SCUBE1: variants seen among roughly 807,000 people sequenced by gnomAD.
SCUBE1 encodes signal peptide, CUB and EGF-like domain-containing protein 1.
Under a neutral mutation model 124.4 loss-of-function variants are expected in SCUBE1, and 59 were observed. The observed-to-expected ratio is 0.47, with a 90% CI of 0.38 to 0.59. The LOEUF is 0.59. SCUBE1 is among the 20% of genes least tolerant of loss of function. SCUBE1 has a pLI of 0.00. For synonymous variants in SCUBE1, 545 were observed against 550.9 expected, an observed-to-expected ratio of 0.99 and a Z score of 0.15; for missense variants, 1,150 against 1,371.2, an observed-to-expected ratio of 0.84 and a Z score of 2.55.
rs200182040 is a variant in SCUBE1, at chr22:43,305,643, AG to A, written c.349+14293del. On this transcript the variant is annotated intron_variant, in intron 3 of 21. Transcript: ENST00000360835. ...GTCAGCAGGGCCAGCTGCCAGGCCAAGGAAGCCAGACCCCCACAATGGCAAC... is the reference window on the plus strand; with the variant it reads ...GTCAGCAGGGCCAGCTGCCAGGCCAAGAAGCCAGACCCCCACAATGGCAAC... 5.5e-3 allele frequency among the ~76,000 whole-genome samples: 840 copies of A among 152,292 alleles called. 34 individuals are homozygous for A. The highest frequency in any genetic ancestry group is 0.051 in the Admixed American group (788 of 15,302).
At chr22:43,235,491 C>A (rs1392729026) in intron 7 of SCUBE1, among the ~76,000 whole-genome samples, 1 of 152,048 alleles carries the variant, frequency 6.6e-6, no homozygotes, top group Non-Finnish European at 1.5e-5. Context: ...GGCACCATTG[C>A]TCCCACTCGG....
intron 6 of SCUBE1, among the ~76,000 whole-genome samples, chr22:43,247,162 C>T (rs905609827): frequency 6.6e-6 from 1 of 152,194 alleles, no homozygotes; most frequent in African/African-American, 2.4e-5. Flanking sequence ...TGCTCATGGC[C>T]AGTGATGGTG....
chr22:43,280,795 CTACCCTGT>C (rs2146735746), intron 4 of SCUBE1, among the ~76,000 whole-genome samples: 1 of 132,638 alleles, frequency 7.5e-6, no homozygotes, highest in East Asian at 2.6e-4. Context: ...TCCTCCTCAG[CTACCCTGT>C]CACCTCCCTC....
intron 19 of SCUBE1, 139 bp downstream of exon 19, chr22:43,209,904 T>C (rs1305265288): frequency 1.2e-5 from 10 of 862,746 alleles, no homozygotes; most frequent in Middle Eastern, 3.7e-4. Context: ...CCAGGTGGAC[T>C]CTGAGGGGCT....
intron 2 of SCUBE1, among the ~76,000 whole-genome samples, chr22:43,321,111 C>G (rs1926534914): frequency 6.6e-6 from 1 of 152,170 alleles, no homozygotes; most frequent in Admixed American, 6.5e-5. Context: ...GGAACCGGAA[C>G]CGGAAGTGCA....
chr22:43,232,034 T>G (rs1601815201), intron 7 of SCUBE1, 159 bp from the exon 8 acceptor site: 8 of 707,306 alleles, frequency 1.1e-5, no homozygotes, highest in Non-Finnish European at 1.4e-5. Flanking sequence ...TGCAGAGGGG[T>G]GGGGGCCCTG....
intron 8 of SCUBE1, among the ~76,000 whole-genome samples, chr22:43,230,419 A>G (rs2146678093): frequency 6.6e-6 from 1 of 152,036 alleles, no homozygotes; most frequent in Middle Eastern, 3.4e-3. Context: ...AAGGCCTCAG[A>G]AAGATGAGCC....
Position 43,262,787 on chromosome 22 carries a change from G to A in SCUBE1, c.543C>T (p.Pro181=). 6.2e-7 allele frequency: 1 copy of A among 1,614,178 alleles called. No individual in the cohort carries two copies. Among genetic ancestry groups the A allele is most frequent in the Non-Finnish European group, 8.5e-7 (1 of 1,180,016 alleles). The part of the protein sequence containing the change: ...HGCAHICRET[P]KGGVACDCRP... ...TGCAGTCGCAGGCCACCCCACCTTTGGGCGTCTCCCGGCAGATGTGGGCAC... is the reference window on the plus strand; with the variant it reads ...TGCAGTCGCAGGCCACCCCACCTTTAGGCGTCTCCCGGCAGATGTGGGCAC... The change falls in exon 5 of 22, where the codon CCC becomes CCT. Residue 181 remains proline, a synonymous_variant. Coordinates refer to ENST00000360835, the MANE Select transcript of SCUBE1 (RefSeq NM_173050.5).
At chr22:43,281,589 TC>T (rs1924909070) in intron 4 of SCUBE1, among the ~76,000 whole-genome samples, 2 of 122,770 alleles carry the variant, frequency 1.6e-5, no homozygotes, top group Non-Finnish European at 3.3e-5. Context: ...ACCTCCCTTC[TC>T]AGCCACCCTC....
intron 6 of SCUBE1, among the ~76,000 whole-genome samples, chr22:43,247,793 T>A (rs1475816793): frequency 2.0e-5 from 3 of 152,342 alleles, no homozygotes; most frequent in African/African-American, 7.2e-5. Context: ...GGGCCTGTTT[T>A]TACACTTGGG....
At chr22:43,294,314 CCT>C (rs1046789528) in intron 3 of SCUBE1, among the ~76,000 whole-genome samples, 3 of 152,218 alleles carry the variant, frequency 2.0e-5, no homozygotes, top group Non-Finnish European at 4.4e-5. Flanking sequence ...CTCTTGCACC[CCT>C]GTGTCTCCAG....
At chr22:43,321,358 G>C (rs1040728396) in intron 2 of SCUBE1, among the ~76,000 whole-genome samples, 2 of 152,200 alleles carry the variant, frequency 1.3e-5, no homozygotes, top group Non-Finnish European at 2.9e-5. Flanking sequence ...GGTCTGGAGA[G>C]CAGAGCTACT....
At chr22:43,250,407 T>G (rs934787945) in intron 6 of SCUBE1, among the ~76,000 whole-genome samples, 2 of 152,302 alleles carry the variant, frequency 1.3e-5, no homozygotes. Flanking sequence ...GGGGGCCCTG[T>G]CCCTGCTGGA....
intron 3 of SCUBE1, among the ~76,000 whole-genome samples, chr22:43,314,091 A>G (rs1926259987): frequency 6.6e-6 from 1 of 152,148 alleles, no homozygotes. Flanking sequence ...GGTGAGGTTT[A>G]GTGACTGCCC....
At chr22:43,309,753 C>T (rs1477053443) in intron 3 of SCUBE1, among the ~76,000 whole-genome samples, 2 of 152,154 alleles carry the variant, frequency 1.3e-5, no homozygotes, top group South Asian at 2.1e-4. Context: ...ATCTCAGCCA[C>T]AGCAGCAGAG....
intron 3 of SCUBE1, among the ~76,000 whole-genome samples, chr22:43,304,265 C>T (rs540598477): frequency 1.3e-5 from 2 of 152,346 alleles, no homozygotes; most frequent in South Asian, 2.1e-4. Flanking sequence ...CCATCTCCAG[C>T]GAACTTCTGT....
intron 4 of SCUBE1, among the ~76,000 whole-genome samples, chr22:43,288,378 C>T (rs560646622): frequency 3.2e-4 from 48 of 152,292 alleles, no homozygotes; most frequent in African/African-American, 1.0e-3. Context: ...CTCCCCTAAG[C>T]ATCACTTCCT....
intron 3 of SCUBE1, among the ~76,000 whole-genome samples, chr22:43,298,835 A>G (rs1176671986): frequency 1.3e-5 from 2 of 151,916 alleles, no homozygotes; most frequent in South Asian, 2.1e-4. Flanking sequence ...GGCGGATCAC[A>G]AGGTCAGGAG....
Position 43,258,210 on chromosome 22 carries a change from C to G in SCUBE1, c.727+9G>C. 1.9e-6 allele frequency: 3 copies of G among 1,595,166 alleles called. No homozygotes were observed. The highest frequency in any genetic ancestry group is 2.6e-6 in the Non-Finnish European group (3 of 1,163,546). ...GCAAGGGTGGTGTGTGGCAGAGGTG[C>G]CTACTTACCGATGCACGTGCGACCG... On this transcript the variant is annotated intron_variant, in intron 6 of 21. Transcript: ENST00000360835. This position sits in a 1 kb window ranked among gnomAD's most constrained non-coding sequence, Gnocchi z 5.0.
Sources: allele counts gnomAD v4.1 joint callset (sites outside exome capture counted in the v4.1 genomes callset), GRCh38; gene constraint gnomAD v4.1.1; non-coding constraint Gnocchi (gnomAD v3.1); transcripts MANE v1.5; gene names NCBI Gene and HGNC (gene_info 2026-07-23, HGNC 2026-07-21).